Variants in G2E3 observed in about 807,000 individuals in gnomAD.
G2E3 encodes the protein G2/M phase-specific E3 ubiquitin-protein ligase.
Under a neutral mutation model 92.8 loss-of-function variants are expected in G2E3, and 35 were observed. The ratio of observed to expected loss-of-function variants is 0.38; its 90% CI spans 0.29 to 0.50. The LOEUF (loss-of-function observed/expected upper bound fraction) is 0.50. G2E3 is among the 20% of genes least tolerant of loss of function. The probability of loss-of-function intolerance (pLI) is 0.94; values close to 1 mark genes in which losing one functional copy is unlikely to be tolerated. For missense variants in G2E3, 554 were observed against 823.8 expected (o/e 0.67, Z 4.01); for synonymous variants, 242 against 272.4 (o/e 0.89, Z 1.10).
rs752418585 is a variant in G2E3, at chr14:30,616,515, C to A, written c.2102C>A (p.Ser701Tyr). The change falls in exon 15 of 15, where the codon TCT (serine) becomes TAT (tyrosine). Residue 701 changes from serine to tyrosine, a missense_variant. Ser to Tyr is a moderately radical substitution (Grantham distance 144). This residue lies in a region of G2E3 where 397 missense variants were observed against 560.3 expected (regional missense o/e 0.71). Coordinates refer to ENST00000206595, the MANE Select transcript of G2E3 (RefSeq NM_017769.5). ...NTLRLEKEESSHYIGH is the reference protein window; with the variant it reads ...NTLRLEKEESYHYIGH ...CTAAGACTAGAAAAGGAAGAAAGTT[C>A]TCATTACATTGGACATTAAAATGTT... 6.3e-6 allele frequency: 10 copies of A among 1,598,608 alleles called. No homozygotes were observed. The highest frequency in any genetic ancestry group is 8.5e-6 in the Non-Finnish European group (10 of 1,170,782).
At chr14:30,600,639 T>C (rs569434856) in intron 8 of G2E3, among the ~76,000 whole-genome samples, 3 of 152,364 alleles carry the variant, frequency 2.0e-5, no homozygotes, top group African/African-American at 7.2e-5. Flanking sequence ...TAGCTACAAC[T>C]CTTCTTTCCA....
chr14:30,598,745 T>A lies in G2E3; in HGVS notation c.752+146T>A, dbSNP rs1347223313. 5 of 664,712 alleles carry A rather than the reference T, an allele frequency of 7.5e-6. No homozygotes were observed. The African/African-American group carries it at 9.0e-5, about 12-fold the overall frequency. 41.2% of individuals were successfully genotyped at this position (664,712 alleles called of 1,614,324 possible). On this transcript the variant is annotated intron_variant, in intron 8 of 14. Coordinates refer to ENST00000206595, the MANE Select transcript of G2E3 (RefSeq NM_017769.5). ...ATGAGGGATATTTTCTAATGCACAT[T>A]TACGTCTGTTTACAGAGAAATTTTT...
chr14:30,594,456 G>A (rs948815614), intron 6 of G2E3, among the ~76,000 whole-genome samples: 2 of 152,096 alleles, frequency 1.3e-5, no homozygotes, highest in Admixed American at 6.5e-5. Context: ...TTGGGAGGCC[G>A]AGGAGGGTGG....
intron 7 of G2E3, 191 bp from the exon 8 acceptor site, chr14:30,598,292 A>G (rs776585097): frequency 1.6e-4 from 71 of 445,658 alleles, no homozygotes; most frequent in Non-Finnish European, 2.6e-4. Context: ...AGGCTGAGGC[A>G]GGGAGAATCG....
At chr14:30,603,378 C>T (rs1881672528) in intron 10 of G2E3, among the ~76,000 whole-genome samples, 1 of 149,998 alleles carries the variant, frequency 6.7e-6, no homozygotes, top group East Asian at 2.0e-4. Flanking sequence ...AAATCTTAAA[C>T]ATTTAAATAA....
At chr14:30,591,248 G>A (rs1880996698) in intron 4 of G2E3, among the ~76,000 whole-genome samples, 2 of 152,154 alleles carry the variant, frequency 1.3e-5, no homozygotes, top group African/African-American at 4.8e-5. Context: ...GCTCAAAGGG[G>A]TCAGCAGTAA....
chr14:30,611,425 T>A (rs947565316), intron 12 of G2E3: 5 of 152,164 alleles, frequency 3.3e-5, no homozygotes, highest in African/African-American at 1.2e-4. Flanking sequence ...GCAAGTAAAT[T>A]TTCTGTTAAT....
At chr14:30,616,159 G>A (rs1404323886) in intron 14 of G2E3, 119 bp from the exon 15 acceptor site, 3 of 680,356 alleles carry the variant, frequency 4.4e-6, no homozygotes, top group Non-Finnish European at 7.7e-6. Context: ...CAAAACAAAT[G>A]TGGGAGTCTG....
At chr14:30,568,450 T>C (rs1379293353) in intron 1 of G2E3, among the ~76,000 whole-genome samples, 1 of 152,126 alleles carries the variant, frequency 6.6e-6, no homozygotes, top group African/African-American at 2.4e-5. Context: ...AGTATTTGTT[T>C]TCTAAATACT....
At position 30,565,018 on chromosome 14, in the gene G2E3, G is replaced by T. The variant is rs987047644; in HGVS notation, c.-5+5746G>T. On this transcript the variant is annotated intron_variant, in intron 1 of 14. Coordinates refer to ENST00000206595, the MANE Select transcript of G2E3 (RefSeq NM_017769.5). ...AGCTAGTGGAATTGCTGGGTGATAT[G>T]GTAGTCTTGTTTAATGTGTTGTGGA... Among the ~76,000 whole-genome samples, 26 of 152,248 alleles carry T rather than the reference G, an allele frequency of 1.7e-4. No homozygotes were observed. The East Asian group carries it at 5.0e-3, about 29-fold the overall frequency.
intron 1 of G2E3, among the ~76,000 whole-genome samples, chr14:30,565,602 C>A (rs931313352): frequency 7.4e-6 from 1 of 134,260 alleles, no homozygotes; most frequent in Non-Finnish European, 1.6e-5. Flanking sequence ...TGATCCATTT[C>A]GAGTTGATTT....
At chr14:30,574,675 A>AC (rs1879971378) in intron 1 of G2E3, 1 of 152,062 alleles carries the variant, frequency 6.6e-6, no homozygotes, top group African/African-American at 2.4e-5. Context: ...AACATGCGGT[A>AC]TTTGGTTTTT....
At chr14:30,611,135 G>C (rs565179121) in intron 12 of G2E3, among the ~76,000 whole-genome samples, 2 of 152,318 alleles carry the variant, frequency 1.3e-5, no homozygotes, top group East Asian at 3.9e-4. Flanking sequence ...TGGAAGTTGA[G>C]AGCAGGGAAG....
chr14:30,601,662 CG>C (rs1881573172), intron 8 of G2E3, 107 bp from the exon 9 acceptor site: 1 of 965,924 alleles, frequency 1.0e-6, no homozygotes, highest in Admixed American at 2.0e-5. Context: ...ATCGATTGGG[CG>C]GGTGTGTGCG....
chr14:30,596,139 T>TGC (rs1413776288), intron 6 of G2E3, among the ~76,000 whole-genome samples: 1 of 122,260 alleles, frequency 8.2e-6, no homozygotes, highest in Non-Finnish European at 1.7e-5. Flanking sequence ...GGTGTGCGTG[T>TGC]GTGTGTGTGT....
At chr14:30,597,307 T>A (rs1881337015) in intron 6 of G2E3, 113 bp from the exon 7 acceptor site, 1 of 691,374 alleles carries the variant, frequency 1.4e-6, no homozygotes, top group Admixed American at 2.5e-5. Context: ...CCCACTAGCA[T>A]AGAAAATGTT....
At chr14:30,604,796 A>G (rs1202471741) in intron 10 of G2E3, among the ~76,000 whole-genome samples, 1 of 152,228 alleles carries the variant, frequency 6.6e-6, no homozygotes, top group African/African-American at 2.4e-5. Context: ...AAAAAAGGAC[A>G]TAGTAAATGT....
chr14:30,592,546 A>G, intron 5 of G2E3, 99 bp downstream of exon 5: 1 of 920,696 alleles, frequency 1.1e-6, no homozygotes, highest in South Asian at 1.8e-5. Flanking sequence ...TTCTGTTTAG[A>G]GCATCAGAGT....
rs199616266 is a variant in G2E3, at chr14:30,586,752, T to C, written c.72T>C (p.Pro24=). 5.6e-6 allele frequency: 8 copies of C among 1,439,920 alleles called. No homozygotes were observed. Among genetic ancestry groups the C allele is most frequent in the Non-Finnish European group, 7.6e-6 (8 of 1,053,750 alleles). The allele number at this position is 1,439,920 out of a possible 1,614,324, so 89.2% of individuals were successfully genotyped here. The change falls in exon 3 of 15, where the codon CCT becomes CCC. Residue 24 remains proline (P), a synonymous_variant. Transcript: ENST00000206595. ...CVFCRKHDDC[P]NKYGEKKTKE... ...TCTGTCGAAAACATGATGACTGTCCTAATAAATACGGAGAAAAGAAAACTA... is the reference window on the plus strand; with the variant it reads ...TCTGTCGAAAACATGATGACTGTCCCAATAAATACGGAGAAAAGAAAACTA...
Sources: allele counts gnomAD v4.1 joint callset (sites outside exome capture counted in the v4.1 genomes callset), GRCh38; gene constraint gnomAD v4.1.1; regional missense constraint gnomAD v4.1.1; transcripts MANE v1.5; gene names NCBI Gene and HGNC (gene_info 2026-07-23, HGNC 2026-07-21).